Variants in MCPH1 observed in about 807,000 individuals in gnomAD.
The protein encoded by MCPH1 is microcephalin.
MCPH1 carries 104 observed loss-of-function variants against 84.5 expected under a neutral mutation model. The observed-to-expected ratio is 1.23, with a 90% CI of 1.05 to 1.45. MCPH1 has a LOEUF of 1.45. MCPH1 is among the 40% of genes most tolerant of loss of function. The probability of loss-of-function intolerance (pLI) is 0.00; values close to 1 mark genes in which losing one functional copy is unlikely to be tolerated. For synonymous variants in MCPH1, 514 were observed against 366.8 expected, an observed-to-expected ratio of 1.40 and a Z score of -4.58; for missense variants, 1,498 against 1,005.7, an observed-to-expected ratio of 1.49 and a Z score of -6.62.
chr8:6,460,193 C>A (rs146247769), intron 9 of MCPH1, among the ~76,000 whole-genome samples: 1 of 151,922 alleles, frequency 6.6e-6, no homozygotes, highest in African/African-American at 2.4e-5. Context: ...TCCTTTGCTT[C>A]TATAGCCCAT....
intron 12 of MCPH1, among the ~76,000 whole-genome samples, chr8:6,555,449 C>T (rs1021193773): frequency 2.0e-5 from 3 of 148,284 alleles, no homozygotes; most frequent in Non-Finnish European, 3.0e-5. Context: ...ATTTGTTTTA[C>T]GGGGGGTGGT....
chr8:6,454,704 C>G (rs1159864872), intron 8 of MCPH1, among the ~76,000 whole-genome samples: 1 of 152,138 alleles, frequency 6.6e-6, no homozygotes, highest in Non-Finnish European at 1.5e-5. Context: ...AGGTTGAAGC[C>G]TGAAGCTCTG....
chr8:6,410,484 C>T (rs1798384997), intron 2 of MCPH1, among the ~76,000 whole-genome samples: 1 of 152,142 alleles, frequency 6.6e-6, no homozygotes, highest in Non-Finnish European at 1.5e-5. Flanking sequence ...AAACAATTTG[C>T]CTTATTCAAG....
At chr8:6,510,070 G>T (rs1030077019) in intron 12 of MCPH1, among the ~76,000 whole-genome samples, 3 of 152,108 alleles carry the variant, frequency 2.0e-5, no homozygotes, top group Non-Finnish European at 4.4e-5. Context: ...AAGCTGAATT[G>T]CAAAAATACG....
intron 11 of MCPH1, among the ~76,000 whole-genome samples, chr8:6,496,125 G>T (rs1383322967): frequency 6.6e-6 from 1 of 152,132 alleles, no homozygotes; most frequent in Non-Finnish European, 1.5e-5. Context: ...TCACTGTAAT[G>T]TAAAATCAGT....
At chr8:6,518,457 T>G (rs1263989273) in intron 12 of MCPH1, among the ~76,000 whole-genome samples, 1 of 152,188 alleles carries the variant, frequency 6.6e-6, no homozygotes, top group Non-Finnish European at 1.5e-5. Context: ...TAACTAATTT[T>G]CAGGGTTGAT....
chr8:6,544,191 C>T (rs1362856004), intron 12 of MCPH1, among the ~76,000 whole-genome samples: 1 of 152,158 alleles, frequency 6.6e-6, no homozygotes, highest in African/African-American at 2.4e-5. Flanking sequence ...AACATATTTA[C>T]CATTTGCCAT....
In MCPH1 at chr8:6,524,148, G is replaced by A. The variant is rs1817900864; in HGVS notation, c.2214+24219G>A. Among the ~76,000 whole-genome samples, 5 of 152,168 alleles carry A rather than the reference G, an allele frequency of 3.3e-5. No individual in the cohort carries two copies. The South Asian group carries it at 8.3e-4, about 25-fold the overall frequency. On this transcript the variant is annotated intron_variant, in intron 12 of 13. Transcript: ENST00000344683. ...TTCCAATATAAAGTTTAGTACACAT[G>A]AATTTGCACATTGCAGAGTTTTGTT...
chr8:6,482,044 G>A (rs1449342334), intron 11 of MCPH1, among the ~76,000 whole-genome samples: 1 of 152,190 alleles, frequency 6.6e-6, no homozygotes, highest in Non-Finnish European at 1.5e-5. Flanking sequence ...TGTGCATGGA[G>A]TAGGTGCTGC....
intron 12 of MCPH1, among the ~76,000 whole-genome samples, chr8:6,566,379 G>A (rs1167956357): frequency 6.6e-6 from 1 of 151,948 alleles, no homozygotes; most frequent in African/African-American, 2.4e-5. Context: ...ACACAGTGCA[G>A]CAACCACCGT....
chr8:6,526,253 C>G (rs1818305062), intron 12 of MCPH1, among the ~76,000 whole-genome samples: 1 of 103,904 alleles, frequency 9.6e-6, no homozygotes, highest in African/African-American at 3.9e-5. Flanking sequence ...AACCTTGCCT[C>G]TACTAAAAAA....
At chr8:6,526,168 C>G (rs1348249800) in intron 12 of MCPH1, among the ~76,000 whole-genome samples, 2 of 150,804 alleles carry the variant, frequency 1.3e-5, no homozygotes, top group African/African-American at 4.9e-5. Context: ...GCCTGTAATC[C>G]CAGCACTTTA....
At position 6,444,993 on chromosome 8, in the gene MCPH1, G is replaced by A. The variant is rs1333908443; in HGVS notation, c.1271G>A (p.Arg424Lys). 2.5e-6 allele frequency: 4 copies of A among 1,614,066 alleles called. No individual in the cohort carries two copies. Among genetic ancestry groups the A allele is most frequent in the African/African-American group, 2.7e-5 (2 of 74,910 alleles). The change falls in exon 8 of 14, where the codon AGG (arginine) becomes AAG (lysine). Residue 424 changes from arginine to lysine, a missense_variant. By Grantham distance (26) the Arg-to-Lys change is conservative. Coordinates refer to ENST00000344683, the MANE Select transcript of MCPH1 (RefSeq NM_024596.5). ...TTTTCACCTGATAATCTTAAGGAAAGGTATTCAGAGAATCTTCCTCCTGAA... is the reference window on the plus strand; with the variant it reads ...TTTTCACCTGATAATCTTAAGGAAAAGTATTCAGAGAATCTTCCTCCTGAA... ...DYFSPDNLKE[R>K]YSENLPPESQ...
At chr8:6,631,074 T>G (rs768857161) in intron 13 of MCPH1, among the ~76,000 whole-genome samples, 1 of 152,226 alleles carries the variant, frequency 6.6e-6, no homozygotes, top group Non-Finnish European at 1.5e-5. Context: ...GGCAAATGCC[T>G]GATAGAGGAA....
intron 12 of MCPH1, among the ~76,000 whole-genome samples, chr8:6,547,868 T>G (rs1822890268): frequency 6.7e-6 from 1 of 149,878 alleles, no homozygotes; most frequent in South Asian, 2.1e-4. Context: ...TTTGTTTCAG[T>G]GAGTCATCTT....
intron 11 of MCPH1, among the ~76,000 whole-genome samples, chr8:6,489,411 G>C (rs1810317236): frequency 6.6e-6 from 1 of 152,146 alleles, no homozygotes; most frequent in African/African-American, 2.4e-5. Context: ...TCTCAGGAAG[G>C]AAGGATGCTC....
intron 13 of MCPH1, among the ~76,000 whole-genome samples, chr8:6,636,372 G>C (rs1797557416): frequency 6.6e-6 from 1 of 152,032 alleles, no homozygotes; most frequent in Non-Finnish European, 1.5e-5. Context: ...CAGGAATGAG[G>C]GTGATGCCAC....
At chr8:6,490,791 T>C (rs949765619) in intron 11 of MCPH1, among the ~76,000 whole-genome samples, 4 of 152,148 alleles carry the variant, frequency 2.6e-5, no homozygotes, top group African/African-American at 9.6e-5. Context: ...AATGCGGTTT[T>C]GTCAGCTAGA....
intron 9 of MCPH1, among the ~76,000 whole-genome samples, chr8:6,460,822 T>C (rs1038038237): frequency 6.6e-6 from 1 of 152,168 alleles, no homozygotes; most frequent in Non-Finnish European, 1.5e-5. Flanking sequence ...GGGTTTCTTC[T>C]TCCATGACTC....
Sources: allele counts gnomAD v4.1 joint callset (sites outside exome capture counted in the v4.1 genomes callset), GRCh38; gene constraint gnomAD v4.1.1; transcripts MANE v1.5; gene names NCBI Gene and HGNC (gene_info 2026-07-23, HGNC 2026-07-21).